Variants in TTLL7 observed in about 807,000 individuals in gnomAD.
TTLL7 encodes tubulin tyrosine ligase like 7.
A neutral mutation model predicts 120.2 loss-of-function variants in TTLL7; 53 were observed. The ratio of observed to expected loss-of-function variants is 0.44; its 90% CI spans 0.35 to 0.55. TTLL7 has a LOEUF of 0.55. TTLL7 is among the 20% of genes least tolerant of loss of function. TTLL7 has a pLI of 0.00. For synonymous variants in TTLL7, 353 were observed against 351.7 expected (o/e 1.00, Z -0.04); for missense variants, 803 against 1,054.7 (o/e 0.76, Z 3.31).
Position 83,904,081 on chromosome 1 carries a change from T to G in TTLL7, c.2206A>C (p.Lys736Gln). 1 of 1,611,126 alleles carries G rather than the reference T, an allele frequency of 6.2e-7. No individual in the cohort carries two copies. Among genetic ancestry groups the G allele is most frequent in the Non-Finnish European group, 8.5e-7 (1 of 1,178,268 alleles). ...LIKLDSVKQRKVLDIVKTSIR... is the reference protein window; with the variant it reads ...LIKLDSVKQRQVLDIVKTSIR... ...AACTTGTTTTGAGCATTACTCACTT[T>G]TCGTTGTTTTACAGAGTCCAATTTT... Residue 736 changes from lysine to glutamine, a missense_variant and splice_region_variant, in exon 18 of 21, where the codon AAA becomes CAA. Lys to Gln is a moderately conservative substitution (Grantham distance 53). Around this residue, in one of 3 missense-constraint regions of TTLL7, gnomAD observed 388 missense variants for 450.4 expected, o/e 0.86. Coordinates refer to ENST00000260505, the MANE Select transcript of TTLL7 (RefSeq NM_024686.6).
chr1:83,869,981 G>T lies in TTLL7; in HGVS notation c.2645C>A (p.Ser882Tyr). The T allele has an allele frequency of 1.3e-6, 2 of 1,595,526 alleles. No homozygotes were observed. The highest frequency in any genetic ancestry group is 3.6e-5 in the Admixed American group (2 of 55,046). The part of the protein sequence containing the change: ...GMTRSNVLFT[S>Y]RYGHL Reference sequence around the variant, plus strand: ...TCTGTTTCACAGATGGCCATATCTGGATGTAAACAAAACATTGGAGCGAGT... The same window carrying T: ...TCTGTTTCACAGATGGCCATATCTGTATGTAAACAAAACATTGGAGCGAGT... The change falls in exon 21 of 21, where the codon TCC (serine) becomes TAC (tyrosine). Residue 882 changes from serine (S) to tyrosine (Y), a missense_variant. Around this residue, in one of 3 missense-constraint regions of TTLL7, gnomAD observed 388 missense variants for 450.4 expected, o/e 0.86. Coordinates refer to ENST00000260505, the MANE Select transcript of TTLL7 (RefSeq NM_024686.6).
chr1:83,997,788 GTTC>G (rs924908050), intron 1 of TTLL7, among the ~76,000 whole-genome samples: 2 of 152,108 alleles, frequency 1.3e-5, no homozygotes, highest in Non-Finnish European at 2.9e-5. Context: ...GATTTCCAGA[GTTC>G]TTCTTACGTT....
chr1:83,997,451 G>T (rs917688743), intron 1 of TTLL7, among the ~76,000 whole-genome samples: 1 of 152,120 alleles, frequency 6.6e-6, no homozygotes, highest in Non-Finnish European at 1.5e-5. Context: ...TAACGGCAGG[G>T]TAACAACAAA....
intron 9 of TTLL7, among the ~76,000 whole-genome samples, chr1:83,930,661 A>T (rs558975742): frequency 6.6e-6 from 1 of 152,302 alleles, no homozygotes; most frequent in South Asian, 2.1e-4. Flanking sequence ...TTGCCACTAT[A>T]TGTGACATGG....
chr1:83,991,568 C>G (rs557888212), intron 1 of TTLL7, among the ~76,000 whole-genome samples: 11 of 152,126 alleles, frequency 7.2e-5, no homozygotes, highest in African/African-American at 1.2e-4. Flanking sequence ...CGCTTGAGCC[C>G]AGGAATTTAA....
chr1:83,997,212 T>C (rs950911764), intron 1 of TTLL7, among the ~76,000 whole-genome samples: 2 of 152,206 alleles, frequency 1.3e-5, no homozygotes, highest in Non-Finnish European at 2.9e-5. Flanking sequence ...CATACTAAGA[T>C]GACTCTGTTC....
At chr1:83,926,496 G>T (rs1571210327) in intron 10 of TTLL7, among the ~76,000 whole-genome samples, 1 of 152,216 alleles carries the variant, frequency 6.6e-6, no homozygotes, top group Non-Finnish European at 1.5e-5. Flanking sequence ...TGCCACAAAA[G>T]GGAGTAAGAC....
Position 83,999,011 on chromosome 1 carries a change from C to T in TTLL7, c.-257G>A, listed in dbSNP as rs1653746883. 1 of 444,844 alleles carries T rather than the reference C, an allele frequency of 2.2e-6. No individual in the cohort carries two copies. Among genetic ancestry groups the T allele is most frequent in the Non-Finnish European group, 4.5e-6 (1 of 223,476 alleles). The allele number at this position is 444,844 out of a possible 1,614,324, so 27.6% of individuals were successfully genotyped here. A position where few individuals can be genotyped will look rare whatever the true frequency, so the allele number is the denominator to read the frequency against. On this transcript the variant is annotated 5_prime_UTR_variant, in exon 1 of 21. Transcript: ENST00000260505. Reference sequence around the variant, plus strand: ...AGGTGCTCCCGCGCCTCGCAGCTTCCCCGTGGGCGGCCGCCCCGACTCGGC... The same window carrying T: ...AGGTGCTCCCGCGCCTCGCAGCTTCTCCGTGGGCGGCCGCCCCGACTCGGC...
chr1:83,902,638 C>A (rs1003151368), intron 18 of TTLL7, among the ~76,000 whole-genome samples: 6 of 151,940 alleles, frequency 3.9e-5, no homozygotes, highest in African/African-American at 1.4e-4. Context: ...AGATTCTCCC[C>A]ATCTCTCTGA....
chr1:83,963,606 G>A (rs1381350355), intron 1 of TTLL7, among the ~76,000 whole-genome samples: 4 of 151,878 alleles, frequency 2.6e-5, no homozygotes, highest in Non-Finnish European at 5.9e-5. Context: ...CACAACTCAC[G>A]TGAAATAAGA....
intron 10 of TTLL7, among the ~76,000 whole-genome samples, chr1:83,928,536 A>G (rs762611239): frequency 8.5e-5 from 13 of 152,158 alleles, no homozygotes; most frequent in Non-Finnish European, 1.8e-4. Context: ...CCAGCCCTAC[A>G]TCCCTACCAG....
chr1:83,914,290 G>A lies in TTLL7; in HGVS notation c.1588-2927C>T, dbSNP rs149077933. ...TCCATATCTTTGCCTTTAATGTTCCGTCTACCCTAAATGTTCTTCCACCTC... is the reference window on the plus strand; with the variant it reads ...TCCATATCTTTGCCTTTAATGTTCCATCTACCCTAAATGTTCTTCCACCTC... On this transcript the variant is annotated intron_variant, in intron 14 of 20. Coordinates refer to ENST00000260505, the MANE Select transcript of TTLL7 (RefSeq NM_024686.6). Among the ~76,000 whole-genome samples, 672 of 141,670 alleles carry A rather than the reference G, an allele frequency of 4.7e-3. 10 individuals carry two copies. The highest frequency in any genetic ancestry group is 0.017 in the African/African-American group (634 of 38,134). 92.9% of individuals were successfully genotyped at this position (141,670 alleles called of 152,430 possible). A position where few individuals can be genotyped will look rare whatever the true frequency, so the allele number is the denominator to read the frequency against.
intron 13 of TTLL7, among the ~76,000 whole-genome samples, chr1:83,919,259 AGTGTGTGTGT>A (rs111745254): frequency 1.4e-4 from 20 of 146,948 alleles, no homozygotes; most frequent in South Asian, 2.2e-4. Context: ...TACAGATTAG[AGTGTGTGTGT>A]GTGTGTGTGT....
intron 1 of TTLL7, among the ~76,000 whole-genome samples, chr1:83,953,227 G>C (rs1229377996): frequency 6.6e-6 from 1 of 152,052 alleles, no homozygotes; most frequent in East Asian, 1.9e-4. Flanking sequence ...TATGAACGTA[G>C]GCATTTATGC....
At chr1:83,882,666 TACC>T (rs1224411431) in intron 20 of TTLL7, 2 of 244,292 alleles carry the variant, frequency 8.2e-6, no homozygotes, top group East Asian at 1.2e-4. Context: ...TTAAATATAT[TACC>T]ACATTTTTGG....
intron 6 of TTLL7, among the ~76,000 whole-genome samples, chr1:83,945,190 A>G (rs1442307034): frequency 6.6e-6 from 1 of 152,238 alleles, no homozygotes. Flanking sequence ...TAACTCTCCA[A>G]TAAAAGGCAG....
At chr1:83,957,913 T>C (rs182364705) in intron 1 of TTLL7, among the ~76,000 whole-genome samples, 2 of 152,326 alleles carry the variant, frequency 1.3e-5, no homozygotes, top group East Asian at 1.9e-4. Flanking sequence ...GAAATAAATA[T>C]CTATTGTTTA....
At chr1:83,986,101 C>A (rs113735753) in intron 1 of TTLL7, among the ~76,000 whole-genome samples, 71 of 152,200 alleles carry the variant, frequency 4.7e-4, no homozygotes, top group African/African-American at 1.6e-3. Flanking sequence ...CAAAGAAGCA[C>A]CAGAAAAAGA....
chr1:83,970,509 T>C (rs1650873035), intron 1 of TTLL7, among the ~76,000 whole-genome samples: 2 of 152,106 alleles, frequency 1.3e-5, no homozygotes, highest in Non-Finnish European at 1.5e-5. Flanking sequence ...CTAATCAGTG[T>C]GGAAGCAGTT....
Sources: allele counts gnomAD v4.1 joint callset (sites outside exome capture counted in the v4.1 genomes callset), GRCh38; gene constraint gnomAD v4.1.1; regional missense constraint gnomAD v4.1.1; transcripts MANE v1.5; gene names NCBI Gene and HGNC (gene_info 2026-07-23, HGNC 2026-07-21).